The following CDH13 variants were observed in gnomAD, a reference collection of about 807,000 sequenced individuals.
CDH13 encodes the protein cadherin 13, also known as cadherin-13.
Under a neutral mutation model 63.8 loss-of-function variants are expected in CDH13, and 24 were observed. The observed-to-expected ratio is 0.38, with a 90% CI of 0.27 to 0.53. The LOEUF (loss-of-function observed/expected upper bound fraction) is 0.53. Ranked by LOEUF, CDH13 falls within the 20% of genes least tolerant of loss-of-function variation. The pLI is 0.85. For synonymous variants in CDH13, 503 were observed against 355.3 expected (o/e 1.42, Z -4.67); for missense variants, 1,049 against 903.1 (o/e 1.16, Z -2.07).
At chr16:83,433,005 G>T (rs1341530409) in intron 6 of CDH13, among the ~76,000 whole-genome samples, 2 of 152,206 alleles carry the variant, frequency 1.3e-5, no homozygotes, top group Non-Finnish European at 2.9e-5. Context: ...TGCTGTTGCA[G>T]GAGGTCTCCT....
At chr16:82,877,180 G>C (rs575671919) in intron 2 of CDH13, among the ~76,000 whole-genome samples, 1 of 152,196 alleles carries the variant, frequency 6.6e-6, no homozygotes, top group Non-Finnish European at 1.5e-5. Context: ...AAGATGATTG[G>C]TATTGGGTAA....
intron 8 of CDH13, among the ~76,000 whole-genome samples, chr16:83,624,000 G>A (rs984298319): frequency 1.3e-5 from 2 of 152,188 alleles, no homozygotes; most frequent in Non-Finnish European, 2.9e-5. Flanking sequence ...TTTCCTGGAA[G>A]GCATTGGTAC....
chr16:83,016,830 G>T (rs1195774562), intron 2 of CDH13, among the ~76,000 whole-genome samples: 1 of 151,860 alleles, frequency 6.6e-6, no homozygotes, highest in Non-Finnish European at 1.5e-5. Context: ...TTGTACAAAA[G>T]ATGCTCATCT....
intron 7 of CDH13, among the ~76,000 whole-genome samples, chr16:83,499,072 G>A (rs2074213198): frequency 6.6e-6 from 1 of 152,222 alleles, no homozygotes; most frequent in Non-Finnish European, 1.5e-5. Context: ...CGTGTGCAAA[G>A]ATCCAGCAAC....
At position 83,290,815 on chromosome 16, in the gene CDH13, A is replaced by G. The variant is rs558710688; in HGVS notation, c.637-54047A>G. 4.6e-5 allele frequency among the ~76,000 whole-genome samples: 7 copies of G among 152,068 alleles called. No individual in the cohort carries two copies. In the East Asian group the frequency reaches 1.4e-3, roughly 30 times the overall value. On this transcript the variant is annotated intron_variant, in intron 5 of 13. Transcript: ENST00000567109. ...GCACTTTTTTTCTTTCTGACCATGC[A>G]TCTTCACTCAGGGCCGCCTTTCACC...
intron 6 of CDH13, among the ~76,000 whole-genome samples, chr16:83,403,405 C>T (rs890443660): frequency 2.0e-5 from 3 of 151,964 alleles, no homozygotes; most frequent in East Asian, 1.9e-4. Context: ...GGGTGGATCA[C>T]GAGGTCAGGA....
At chr16:83,568,152 T>C (rs1482200445) in intron 7 of CDH13, among the ~76,000 whole-genome samples, 2 of 151,854 alleles carry the variant, frequency 1.3e-5, no homozygotes, top group Non-Finnish European at 2.9e-5. Flanking sequence ...TGAATACATG[T>C]GCTGGTGGAA....
At chr16:83,230,886 C>G (rs2039983898) in intron 5 of CDH13, among the ~76,000 whole-genome samples, 1 of 152,160 alleles carries the variant, frequency 6.6e-6, no homozygotes, top group African/African-American at 2.4e-5. Flanking sequence ...AATCTGGGCC[C>G]TAAGATAGAA....
At chr16:83,328,419 T>G (rs1402224583) in intron 5 of CDH13, among the ~76,000 whole-genome samples, 3 of 152,144 alleles carry the variant, frequency 2.0e-5, no homozygotes, top group African/African-American at 7.2e-5. Context: ...CATCCAAGGT[T>G]CACATCAGGA....
At chr16:83,417,974 C>T (rs938170720) in intron 6 of CDH13, among the ~76,000 whole-genome samples, 1 of 151,978 alleles carries the variant, frequency 6.6e-6, no homozygotes, top group Non-Finnish European at 1.5e-5. Context: ...AACTCCTATA[C>T]ATCCTTTAAA....
rs74792294 is a variant in CDH13, at chr16:83,174,861, A to G, written c.484-42484A>G. Among the ~76,000 whole-genome samples, 107 of 152,240 alleles carry G rather than the reference A, an allele frequency of 7.0e-4. No individual in the cohort carries two copies. The East Asian group carries it at 0.014, about 20-fold the overall frequency. ...CAGGAGAGAGAGAGAAAAAGAGCCAAGGAGAACTGCCAAACACTTTTAAAC... is the reference window on the plus strand; with the variant it reads ...CAGGAGAGAGAGAGAAAAAGAGCCAGGGAGAACTGCCAAACACTTTTAAAC... On this transcript the variant is annotated intron_variant, in intron 4 of 13. Transcript: ENST00000567109.
intron 1 of CDH13, among the ~76,000 whole-genome samples, chr16:82,829,043 A>G (rs984604849): frequency 1.3e-5 from 2 of 152,254 alleles, no homozygotes; most frequent in South Asian, 2.1e-4. Context: ...GACACATGGA[A>G]TTCATGGATA....
At chr16:82,839,812 G>A (rs1180770735) in intron 1 of CDH13, among the ~76,000 whole-genome samples, 1 of 152,190 alleles carries the variant, frequency 6.6e-6, no homozygotes, top group African/African-American at 2.4e-5. Flanking sequence ...CATAATTTTT[G>A]AAGATGATCC....
intron 8 of CDH13, among the ~76,000 whole-genome samples, chr16:83,617,158 C>G (rs543115305): frequency 6.6e-6 from 1 of 152,296 alleles, no homozygotes; most frequent in South Asian, 2.1e-4. Flanking sequence ...AAGCCCATCT[C>G]CTTTTCATCT....
At chr16:83,778,836 C>G (rs945345310) in intron 11 of CDH13, among the ~76,000 whole-genome samples, 5 of 152,222 alleles carry the variant, frequency 3.3e-5, no homozygotes, top group African/African-American at 1.2e-4. Flanking sequence ...AAGAAAATGT[C>G]TTGGATTTAA....
intron 7 of CDH13, among the ~76,000 whole-genome samples, chr16:83,544,362 T>A (rs1352942800): frequency 6.6e-6 from 1 of 152,076 alleles, no homozygotes; most frequent in African/African-American, 2.4e-5. Context: ...CTATAGATGC[T>A]CCTCAACTTA....
At chr16:83,672,770 A>G (rs568611891) in intron 9 of CDH13, among the ~76,000 whole-genome samples, 1 of 152,238 alleles carries the variant, frequency 6.6e-6, no homozygotes, top group African/African-American at 2.4e-5. Flanking sequence ...TGTAGCAAAC[A>G]CATTTTGGGG....
intron 6 of CDH13, among the ~76,000 whole-genome samples, chr16:83,380,418 G>T (rs973296485): frequency 6.6e-6 from 1 of 151,978 alleles, no homozygotes; most frequent in African/African-American, 2.4e-5. Context: ...TTTGCTCCCA[G>T]CTATTTTTTA....
At chr16:83,679,358 C>T (rs1422928867) in intron 10 of CDH13, among the ~76,000 whole-genome samples, 1 of 152,170 alleles carries the variant, frequency 6.6e-6, no homozygotes, top group African/African-American at 2.4e-5. Context: ...ATCTTCTTCT[C>T]ATATGAGGTA....
Sources: gnomAD v4.1 joint callset for allele counts (sites outside exome capture counted in the v4.1 genomes callset) on GRCh38, gnomAD v4.1.1 for gene constraint, MANE v1.5 for transcripts, NCBI Gene and HGNC (gene_info 2026-07-23, HGNC 2026-07-21) for gene names.